THSD4: variants seen among roughly 807,000 people sequenced by gnomAD.
The protein encoded by THSD4 is thrombospondin type-1 domain-containing protein 4.
Under a neutral mutation model 119.0 loss-of-function variants are expected in THSD4, and 69 were observed. The observed-to-expected ratio is 0.58, with a 90% CI of 0.48 to 0.71. The LOEUF is 0.71. Ranked by LOEUF, THSD4 falls within the 30% of genes least tolerant of loss-of-function variation. The pLI, the probability that THSD4 is intolerant of heterozygous loss-of-function variation, is 0.00. For missense variants in THSD4, 1,393 were observed against 1,391.1 expected (o/e 1.00, Z -0.02); for synonymous variants, 524 against 540.4 (o/e 0.97, Z 0.42).
chr15:71,706,602 G>A (rs76115805), intron 8 of THSD4, among the ~76,000 whole-genome samples: 2,703 of 152,252 alleles, frequency 0.018, 79 homozygotes, highest in African/African-American at 0.062. Context: ...AGCTCCCTTC[G>A]GAGAGGAGAA....
chr15:71,396,640 C>T (rs4531689), intron 6 of THSD4, among the ~76,000 whole-genome samples: 53,524 of 152,072 alleles, frequency 0.35, 10,247 homozygotes, highest in South Asian at 0.46. Context: ...TGTAAAACAC[C>T]GGCCATGACC....
At chr15:71,132,628 AG>A (rs1455843773) in intron 1 of THSD4, among the ~76,000 whole-genome samples, 3 of 152,222 alleles carry the variant, frequency 2.0e-5, no homozygotes, top group Admixed American at 1.3e-4. Flanking sequence ...CTTAATAAAT[AG>A]ATTTCCTTAA....
At chr15:71,276,659 C>A (rs1475803094) in intron 6 of THSD4, among the ~76,000 whole-genome samples, 1 of 152,124 alleles carries the variant, frequency 6.6e-6, no homozygotes, top group African/African-American at 2.4e-5. Flanking sequence ...TGAGATGAGT[C>A]TCTATTCTTT....
At chr15:71,665,160 TTTTTTGAC>T (rs1327347873) in intron 8 of THSD4, among the ~76,000 whole-genome samples, 3 of 152,224 alleles carry the variant, frequency 2.0e-5, no homozygotes, top group African/African-American at 7.2e-5. Flanking sequence ...GCATCTGTTC[TTTTTTGAC>T]TTTTTATTAA....
intron 7 of THSD4, among the ~76,000 whole-genome samples, chr15:71,570,564 G>A (rs1338943280): frequency 1.3e-5 from 2 of 152,112 alleles, no homozygotes; most frequent in South Asian, 2.1e-4. Context: ...ACACCACCAC[G>A]CCTGGCTAAC....
intron 17 of THSD4, among the ~76,000 whole-genome samples, chr15:71,776,990 A>C (rs1358304024): frequency 2.0e-5 from 3 of 152,234 alleles, no homozygotes; most frequent in African/African-American, 7.2e-5. Context: ...ATGAGGATGA[A>C]GGAGGAAGTG....
intron 7 of THSD4, among the ~76,000 whole-genome samples, chr15:71,481,550 A>C (rs1185912636): frequency 6.6e-6 from 1 of 152,180 alleles, no homozygotes; most frequent in African/African-American, 2.4e-5. Flanking sequence ...GCCCAGATGG[A>C]GAAGAGAAGA....
At chr15:71,670,584 G>T (rs1225153736) in intron 8 of THSD4, among the ~76,000 whole-genome samples, 1 of 151,438 alleles carries the variant, frequency 6.6e-6, no homozygotes, top group Admixed American at 6.6e-5. Context: ...TGCCATGTTG[G>T]TGTGCTGCAC....
intron 7 of THSD4, among the ~76,000 whole-genome samples, chr15:71,647,373 G>C (rs370440663): frequency 6.6e-6 from 1 of 152,184 alleles, no homozygotes; most frequent in Non-Finnish European, 1.5e-5. Context: ...GAGTTTGACA[G>C]ATAACCCTGT....
chr15:71,163,729 C>T (rs556771968), intron 3 of THSD4, among the ~76,000 whole-genome samples: 7 of 150,614 alleles, frequency 4.6e-5, no homozygotes, highest in African/African-American at 1.5e-4. Context: ...TGGAAAGTCT[C>T]GTTTCCTGAG....
intron 16 of THSD4, 124 bp from the exon 17 acceptor site, chr15:71,770,940 G>GAGTT: frequency 7.1e-7 from 1 of 1,403,348 alleles, no homozygotes; most frequent in Non-Finnish European, 9.7e-7. Flanking sequence ...AGGTACATGG[G>GAGTT]AGTTTGTTTT....
intron 6 of THSD4, among the ~76,000 whole-genome samples, chr15:71,377,628 T>C (rs1316267311): frequency 6.6e-6 from 1 of 152,000 alleles, no homozygotes; most frequent in Non-Finnish European, 1.5e-5. Flanking sequence ...GCGGGCGTGA[T>C]GAGGCCTGCC....
At chr15:71,361,980 T>A (rs1259374871) in intron 6 of THSD4, among the ~76,000 whole-genome samples, 3 of 152,210 alleles carry the variant, frequency 2.0e-5, no homozygotes, top group Non-Finnish European at 1.5e-5. Flanking sequence ...TTTATATTAT[T>A]CAAAATAATG....
intron 7 of THSD4, among the ~76,000 whole-genome samples, chr15:71,453,517 G>T (rs952727015): frequency 1.3e-5 from 2 of 152,172 alleles, no homozygotes; most frequent in Non-Finnish European, 2.9e-5. Flanking sequence ...CATATTTGGT[G>T]ACAGGAGCAG....
chr15:71,574,335 T>C (rs2049410493), intron 7 of THSD4, among the ~76,000 whole-genome samples: 1 of 152,212 alleles, frequency 6.6e-6, no homozygotes, highest in African/African-American at 2.4e-5. Flanking sequence ...CCCCTTTTGC[T>C]GACAAGCAAA....
At chr15:71,688,821 A>G (rs545224083) in intron 8 of THSD4, among the ~76,000 whole-genome samples, 7 of 151,710 alleles carry the variant, frequency 4.6e-5, no homozygotes, top group African/African-American at 1.5e-4. Context: ...AAATGTTAAC[A>G]TCTTGGAATA....
chr15:71,776,184 C>T (rs767521271), intron 17 of THSD4, among the ~76,000 whole-genome samples: 8 of 152,032 alleles, frequency 5.3e-5, no homozygotes, highest in Non-Finnish European at 1.0e-4. Context: ...TTAAATGAAA[C>T]CAACAATTCC....
At chr15:71,315,817 G>A (rs2045179511) in intron 6 of THSD4, among the ~76,000 whole-genome samples, 1 of 152,036 alleles carries the variant, frequency 6.6e-6, no homozygotes, top group Non-Finnish European at 1.5e-5. Context: ...AGAGATTTGG[G>A]GAAATAGGAG....
At chr15:71,432,843 A>C (rs2046960659) in intron 7 of THSD4, among the ~76,000 whole-genome samples, 1 of 152,032 alleles carries the variant, frequency 6.6e-6, no homozygotes, top group Non-Finnish European at 1.5e-5. Flanking sequence ...CCTCTAAAGT[A>C]GACAAAATAA....
Sources: allele counts gnomAD v4.1 joint callset (sites outside exome capture counted in the v4.1 genomes callset), GRCh38; gene constraint gnomAD v4.1.1; transcripts MANE v1.5; gene names NCBI Gene and HGNC (gene_info 2026-07-23, HGNC 2026-07-21).